The following NPHS1 variants were observed in gnomAD, a reference collection of about 807,000 sequenced individuals.
NPHS1 encodes the protein nephrin.
NPHS1 carries 107 observed loss-of-function variants against 139.7 expected under a neutral mutation model. That is an observed-to-expected ratio of 0.77 (90% confidence interval 0.66 to 0.90). The LOEUF (loss-of-function observed/expected upper bound fraction) is 0.90, where lower values mean the gene tolerates loss of function less well. NPHS1 is among the 40% of genes least tolerant of loss of function. The pLI is 0.00. For missense variants in NPHS1, 1,580 were observed against 1,654.2 expected (o/e 0.96, Z 0.78); for synonymous variants, 707 against 706.6 (o/e 1.00, Z -0.01).
In NPHS1 at chr19:35,845,932, G is replaced by A. The variant is rs917742354; in HGVS notation, c.1627+76C>T. ...CTCCGCCCGCTTTCCCCGGGTCCAG[G>A]GTTCGCTGGGTCCCTGCCCCACCTG... is the stretch of plus-strand genomic sequence containing the variant. On this transcript the variant is annotated intron_variant, in intron 12 of 28. Coordinates refer to ENST00000378910, the MANE Select transcript of NPHS1 (RefSeq NM_004646.4). This position sits in a 1 kb window ranked among gnomAD's most constrained non-coding sequence, Gnocchi z 5.5. 5.2e-6 allele frequency: 8 copies of A among 1,528,566 alleles called. No individual in the cohort carries two copies. In the South Asian group the frequency reaches 6.1e-5, roughly 12 times the overall value. The allele number at this position is 1,528,566 out of a possible 1,614,324, so 94.7% of individuals were successfully genotyped here.
chr19:35,851,846 C>A lies in NPHS1; in HGVS notation c.-9G>T. 6.4e-7 allele frequency: 1 copy of A among 1,550,404 alleles called. No homozygotes were observed. The highest frequency in any genetic ancestry group is 8.7e-7 in the Non-Finnish European group (1 of 1,146,584). ...GTCGTCCCCAGGGCCATCACAGGTC[C>A]CCCTACTGTGACCCCCACAGCGCCC... On this transcript the variant is annotated 5_prime_UTR_variant, in exon 1 of 29. Coordinates refer to ENST00000378910, the MANE Select transcript of NPHS1 (RefSeq NM_004646.4).
At chr19:35,842,349 C>T in intron 18 of NPHS1, 30 bp downstream of exon 18, 1 of 1,612,500 alleles carries the variant, frequency 6.2e-7, no homozygotes, top group Non-Finnish European at 8.5e-7. Context: ...AGTGGCAGGT[C>T]TTGAAGTCAG....
At position 35,826,555 on chromosome 19, in the gene NPHS1, G is replaced by T. The variant is rs768381366; in HGVS notation, c.3685C>A (p.Pro1229Thr). Residue 1229 changes from proline (P) to threonine (T), a missense_variant, in exon 29 of 29, where the codon CCC (proline) becomes ACC (threonine). By Grantham distance (38) the Pro-to-Thr change is conservative. Transcript: ENST00000378910. ...QVAGDLDTLE[P>T]DSLPFELRGH... is the part of the protein sequence containing the mutation. ...CTCAGCTCGAAGGGCAGAGAATCGG[G>T]TTCCAGAGTGTCCAAGTCTCCGGCC... 1 of 1,613,988 alleles carries T rather than the reference G, an allele frequency of 6.2e-7. No homozygotes were observed. Among genetic ancestry groups the T allele is most frequent in the South Asian group, 1.1e-5 (1 of 91,068 alleles).
At chr19:35,850,045 A>T (rs576795291) in intron 5 of NPHS1, among the ~76,000 whole-genome samples, 1 of 152,202 alleles carries the variant, frequency 6.6e-6, no homozygotes, top group East Asian at 1.9e-4. Context: ...CCCCCTGAGG[A>T]GCTGGGAGTA....
intron 11 of NPHS1, among the ~76,000 whole-genome samples, 153 bp from the exon 12 acceptor site, chr19:35,846,347 G>T (rs2146824547): frequency 6.6e-6 from 1 of 152,208 alleles, no homozygotes; most frequent in African/African-American, 2.4e-5. Flanking sequence ...ACCCCCCTAG[G>T]GCAAAGCAGT....
At chr19:35,838,041 CA>C (rs951220224) in intron 22 of NPHS1, among the ~76,000 whole-genome samples, 2 of 150,218 alleles carry the variant, frequency 1.3e-5, no homozygotes, top group Middle Eastern at 7.0e-3. Flanking sequence ...CACCTGAGGT[CA>C]GGAGTTCGAG....
Position 35,835,781 on chromosome 19 carries a change from A to C in NPHS1, c.3110-20T>G. On this transcript the variant is annotated intron_variant, in intron 22 of 28. Coordinates refer to ENST00000378910, the MANE Select transcript of NPHS1 (RefSeq NM_004646.4). Reference sequence around the variant, plus strand: ...GGAGACCTGGGGGGTGGATATACAGATTGTGACTTAACACTAAGAATCTGA... The same window carrying C: ...GGAGACCTGGGGGGTGGATATACAGCTTGTGACTTAACACTAAGAATCTGA... 1 of 1,608,832 alleles carries C rather than the reference A, an allele frequency of 6.2e-7. No individual in the cohort carries two copies. Among genetic ancestry groups the C allele is most frequent in the Non-Finnish European group, 8.5e-7 (1 of 1,175,444 alleles).
chr19:35,828,201 A>T (rs1972824127), intron 28 of NPHS1, among the ~76,000 whole-genome samples: 1 of 152,174 alleles, frequency 6.6e-6, no homozygotes, highest in Non-Finnish European at 1.5e-5. Flanking sequence ...CATGCTCCAA[A>T]TATGGCCTGC....
chr19:35,851,450 C>T lies in NPHS1; in HGVS notation c.274+7G>A, dbSNP rs375552437. The T allele has an allele frequency of 2.4e-5, 38 of 1,613,176 alleles. No homozygotes were observed. The highest frequency in any genetic ancestry group is 4.0e-5 in the African/African-American group (3 of 74,920). On this transcript the variant is annotated splice_region_variant and intron_variant, in intron 2 of 28. Coordinates refer to ENST00000378910, the MANE Select transcript of NPHS1 (RefSeq NM_004646.4). The stretch of plus-strand genomic sequence containing the variant: ...GTGGCTGAGGGTCTCAGGCTCTGAT[C>T]CCTTACCTCTAGCAGGGTCCCCTTC...
chr19:35,838,250 A>G (rs1973002823), intron 22 of NPHS1, among the ~76,000 whole-genome samples: 1 of 151,566 alleles, frequency 6.6e-6, no homozygotes, highest in African/African-American at 2.4e-5. Context: ...GTCTCAGAAC[A>G]AAAACAAACA....
chr19:35,850,820 TC>T, intron 4 of NPHS1, 140 bp downstream of exon 4: 1 of 1,138,330 alleles, frequency 8.8e-7, no homozygotes, highest in Non-Finnish European at 1.3e-6. Context: ...CCTCAGCATC[TC>T]CCCACACCTT....
intron 22 of NPHS1, among the ~76,000 whole-genome samples, chr19:35,837,832 C>T (rs937849892): frequency 6.6e-6 from 1 of 150,714 alleles, no homozygotes; most frequent in Non-Finnish European, 1.5e-5. Context: ...AAACTCCCGA[C>T]CTCAAGTAAT....
At position 35,848,937 on chromosome 19, in the gene NPHS1, G is replaced by C. The variant is rs1384719021; in HGVS notation, c.1012+39C>G. On this transcript the variant is annotated intron_variant, in intron 8 of 28. Coordinates refer to ENST00000378910, the MANE Select transcript of NPHS1 (RefSeq NM_004646.4). ...GGGCACACACAGATGGTTCTCTGAG[G>C]CACAGACCGACAGGGGGGCAGCTGG... 3 of 1,610,976 alleles carry C rather than the reference G, an allele frequency of 1.9e-6. No homozygotes were observed. The African/African-American group carries it at 4.0e-5, about 22-fold the overall frequency.
Position 35,826,654 on chromosome 19 carries a change from CA to C in NPHS1, c.3595-10del, listed in dbSNP as rs1568447897. ...TGGAGGTCCCAGGGTCCCTGACAGG[CA>C]AAAAGTGGAGTTAGAACCATGGAGA... On this transcript the variant is annotated splice_polypyrimidine_tract_variant and intron_variant, in intron 28 of 28. Coordinates refer to ENST00000378910, the MANE Select transcript of NPHS1 (RefSeq NM_004646.4). The C allele has an allele frequency of 1.2e-6, 2 of 1,613,882 alleles. No individual in the cohort carries two copies. Among genetic ancestry groups the C allele is most frequent in the Admixed American group, 1.7e-5 (1 of 60,000 alleles).
In NPHS1 at chr19:35,825,894, A is replaced by C. The variant is rs889885254; in HGVS notation, c.*620T>G. The C allele has an allele frequency of 3.9e-5, 6 of 152,320 alleles. No homozygotes were observed. Among genetic ancestry groups the C allele is most frequent in the Non-Finnish European group, 2.9e-5 (2 of 68,118 alleles). The allele number at this position is 152,320 out of a possible 1,614,324, so 9.4% of individuals were successfully genotyped here. A position where few individuals can be genotyped will look rare whatever the true frequency, so the allele number is the denominator to read the frequency against. On this transcript the variant is annotated 3_prime_UTR_variant, in exon 29 of 29. Coordinates refer to ENST00000378910, the MANE Select transcript of NPHS1 (RefSeq NM_004646.4). ...GTCTTTCCCCACTTCTGAAAACTTTACTTCATGAAGCACTTAGGGACCCTC... is the reference window on the plus strand; with the variant it reads ...GTCTTTCCCCACTTCTGAAAACTTTCCTTCATGAAGCACTTAGGGACCCTC...
chr19:35,836,022 C>T (rs2146812543), intron 22 of NPHS1, among the ~76,000 whole-genome samples: 2 of 145,708 alleles, frequency 1.4e-5, no homozygotes, highest in East Asian at 2.1e-4. Context: ...TGCAGTGGCG[C>T]AATCTCAGCT....
chr19:35,844,034 C>A, intron 16 of NPHS1, 69 bp downstream of exon 16: 1 of 1,577,354 alleles, frequency 6.3e-7, no homozygotes, highest in Admixed American at 1.7e-5. Flanking sequence ...GGAGCTCCCA[C>A]AATGAGGAGA....
At chr19:35,850,330 G>T (rs746639087) in intron 5 of NPHS1, 34 bp downstream of exon 5, 2 of 1,573,344 alleles carry the variant, frequency 1.3e-6, no homozygotes, top group Non-Finnish European at 1.8e-6. Flanking sequence ...GAAAATTAGG[G>T]GTCAAGGTTG....
chr19:35,838,387 T>C (rs1274689718), intron 22 of NPHS1, among the ~76,000 whole-genome samples: 9 of 151,702 alleles, frequency 5.9e-5, no homozygotes, highest in Admixed American at 5.9e-4. Flanking sequence ...ACCCCGTCTC[T>C]ACTAAAAATA....
Sources: allele counts gnomAD v4.1 joint callset (sites outside exome capture counted in the v4.1 genomes callset), GRCh38; gene constraint gnomAD v4.1.1; non-coding constraint Gnocchi (gnomAD v3.1); transcripts MANE v1.5; gene names NCBI Gene and HGNC (gene_info 2026-07-23, HGNC 2026-07-21).